COMMD10: variants seen among roughly 807,000 people sequenced by gnomAD.
COMMD10 encodes the protein COMM domain-containing protein 10.
Under a neutral mutation model 28.9 loss-of-function variants are expected in COMMD10, and 33 were observed. The observed-to-expected ratio is 1.14, with a 90% CI of 0.87 to 1.53. The LOEUF (loss-of-function observed/expected upper bound fraction) is 1.53, where lower values mean the gene tolerates loss of function less well. Among genes scored for constraint, COMMD10 ranks in the 40% most tolerant of loss-of-function variants. The pLI is 0.00. For missense variants in COMMD10, 310 were observed against 233.4 expected (o/e 1.33, Z -2.14); for synonymous variants, 110 against 81.7 (o/e 1.35, Z -1.87).
intron 5 of COMMD10, among the ~76,000 whole-genome samples, chr5:116,246,274 C>T (rs189406242): frequency 2.9e-4 from 44 of 152,152 alleles, no homozygotes; most frequent in Non-Finnish European, 5.7e-4. Flanking sequence ...ATACAGCTAA[C>T]TAGGGAAGCA....
chr5:116,094,384 G>A (rs1010894657), intron 4 of COMMD10, among the ~76,000 whole-genome samples: 1 of 152,072 alleles, frequency 6.6e-6, no homozygotes, highest in Non-Finnish European at 1.5e-5. Context: ...CTTGAAAGAC[G>A]ATATATAAAT....
intron 4 of COMMD10, among the ~76,000 whole-genome samples, chr5:116,127,220 A>T (rs1274907093): frequency 2.6e-5 from 4 of 152,248 alleles, no homozygotes; most frequent in African/African-American, 9.6e-5. Context: ...TCAAAACCAC[A>T]ATGAGATACC....
intron 5 of COMMD10, among the ~76,000 whole-genome samples, chr5:116,157,747 AAT>A (rs1338137384): frequency 2.0e-5 from 3 of 152,234 alleles, no homozygotes; most frequent in Non-Finnish European, 4.4e-5. Flanking sequence ...AATTTACCAA[AAT>A]ATATGTGTTT....
chr5:116,266,028 G>T (rs539815103), intron 5 of COMMD10, among the ~76,000 whole-genome samples: 1 of 151,694 alleles, frequency 6.6e-6, no homozygotes, highest in Non-Finnish European at 1.5e-5. Flanking sequence ...CTCAGAAAGA[G>T]ATGTATTTCT....
At chr5:116,114,831 T>C (rs1751177939) in intron 4 of COMMD10, among the ~76,000 whole-genome samples, 4 of 152,158 alleles carry the variant, frequency 2.6e-5, no homozygotes. Flanking sequence ...TTAGTCGGAC[T>C]GGGTAGTTGT....
chr5:116,197,724 T>C (rs920425656), intron 5 of COMMD10, among the ~76,000 whole-genome samples: 1 of 152,120 alleles, frequency 6.6e-6, no homozygotes, highest in African/African-American at 2.4e-5. Context: ...CATGAAAGGA[T>C]TCTGCCATTT....
intron 4 of COMMD10, among the ~76,000 whole-genome samples, chr5:116,126,781 A>G (rs1212993857): frequency 6.6e-6 from 1 of 152,016 alleles, no homozygotes; most frequent in East Asian, 1.9e-4. Context: ...AATTCAAGAT[A>G]GTTTAAAGAC....
chr5:116,273,431 G>A (rs899653754), intron 5 of COMMD10, among the ~76,000 whole-genome samples: 4 of 151,638 alleles, frequency 2.6e-5, no homozygotes, highest in East Asian at 3.8e-4. Flanking sequence ...AGATGTCTTC[G>A]AAAGCTTTGT....
chr5:116,191,015 T>C (rs532992140), intron 5 of COMMD10, among the ~76,000 whole-genome samples: 1 of 152,360 alleles, frequency 6.6e-6, no homozygotes, highest in South Asian at 2.1e-4. Flanking sequence ...TACATAACTT[T>C]CCACAGTTTT....
At chr5:116,240,834 T>C (rs571207503) in intron 5 of COMMD10, among the ~76,000 whole-genome samples, 258 of 152,320 alleles carry the variant, frequency 1.7e-3, no homozygotes, top group African/African-American at 5.8e-3. Flanking sequence ...TGTTCTAATA[T>C]GATGGGTAAT....
intron 5 of COMMD10, among the ~76,000 whole-genome samples, chr5:116,222,259 C>A (rs74646895): frequency 7.2e-5 from 11 of 152,246 alleles, no homozygotes; most frequent in South Asian, 6.2e-4. Context: ...AATAGTAAGG[C>A]AGTCTGTATG....
chr5:116,213,820 T>C (rs1456253932), intron 5 of COMMD10, among the ~76,000 whole-genome samples: 1 of 152,104 alleles, frequency 6.6e-6, no homozygotes, highest in African/African-American at 2.4e-5. Flanking sequence ...CATGTTAAGG[T>C]GCTTGATAAA....
At chr5:116,260,234 G>C (rs1750406447) in intron 5 of COMMD10, among the ~76,000 whole-genome samples, 1 of 151,716 alleles carries the variant, frequency 6.6e-6, no homozygotes, top group Non-Finnish European at 1.5e-5. Context: ...TATGAAGGGA[G>C]GAAAATGTGC....
rs540193552 is a variant in COMMD10 at position 116,292,952 on chromosome 5, T to G, written c.*463T>G. ...TCAAATACACTATGGCATTTTTATTTGAATATGATGAGTATATTTTGCTTC... is the reference window on the plus strand; with the variant it reads ...TCAAATACACTATGGCATTTTTATTGGAATATGATGAGTATATTTTGCTTC... On this transcript the variant is annotated 3_prime_UTR_variant, in exon 7 of 7. Transcript: ENST00000274458. 5.5e-5 allele frequency: 22 copies of G among 397,006 alleles called. No homozygotes were observed. Among genetic ancestry groups the G allele is most frequent in the African/African-American group, 4.5e-4 (22 of 48,676 alleles). 24.6% of individuals were successfully genotyped at this position (397,006 alleles called of 1,614,324 possible).
At chr5:116,286,349 TC>T (rs1751217913) in intron 5 of COMMD10, among the ~76,000 whole-genome samples, 1 of 147,612 alleles carries the variant, frequency 6.8e-6, no homozygotes, top group South Asian at 2.1e-4. Context: ...TTTTGATTTT[TC>T]TATGTCATTT....
intron 4 of COMMD10, among the ~76,000 whole-genome samples, chr5:116,120,726 T>C (rs569841587): frequency 3.5e-5 from 5 of 142,024 alleles, no homozygotes; most frequent in Non-Finnish European, 7.6e-5. Flanking sequence ...TTGAGACTGA[T>C]CATTTTGTTA....
intron 5 of COMMD10, among the ~76,000 whole-genome samples, chr5:116,239,736 C>A (rs1749765386): frequency 6.6e-6 from 1 of 152,142 alleles, no homozygotes; most frequent in Admixed American, 6.5e-5. Flanking sequence ...TTTATGATTA[C>A]CTTTCATAAA....
chr5:116,121,519 A>G (rs567010967), intron 4 of COMMD10, among the ~76,000 whole-genome samples: 2 of 152,308 alleles, frequency 1.3e-5, no homozygotes, highest in South Asian at 2.1e-4. Context: ...GCTGGGTCAC[A>G]TGGTATTTCT....
intron 5 of COMMD10, among the ~76,000 whole-genome samples, chr5:116,250,364 G>C (rs889585366): frequency 3.3e-5 from 5 of 151,478 alleles, no homozygotes; most frequent in African/African-American, 1.2e-4. Context: ...ATATTGAAAT[G>C]CTGTGGCGTT....
Sources: gnomAD v4.1 joint callset for allele counts (sites outside exome capture counted in the v4.1 genomes callset) on GRCh38, gnomAD v4.1.1 for gene constraint, MANE v1.5 for transcripts, NCBI Gene and HGNC (gene_info 2026-07-23, HGNC 2026-07-21) for gene names.